The following ADAMTS19 variants were observed in gnomAD, a reference collection of about 807,000 sequenced individuals.
ADAMTS19 encodes A disintegrin and metalloproteinase with thrombospondin motifs 19.
In ADAMTS19, 93 loss-of-function variants were observed where a neutral mutation model predicts 153.3. The observed-to-expected ratio is 0.61, with a 90% confidence interval of 0.51 to 0.72. The LOEUF is 0.72. Ranked by LOEUF, ADAMTS19 falls within the 30% of genes least tolerant of loss-of-function variation. The probability of loss-of-function intolerance (pLI) is 0.00; values close to 1 mark genes in which losing one functional copy is unlikely to be tolerated. For missense variants in ADAMTS19, 1,482 were observed against 1,552.1 expected (o/e 0.95, Z 0.76); for synonymous variants, 600 against 556.6 (o/e 1.08, Z -1.10).
At chr5:129,633,811 C>T (rs1386264339) in intron 10 of ADAMTS19, among the ~76,000 whole-genome samples, 1 of 152,060 alleles carries the variant, frequency 6.6e-6, no homozygotes, top group African/African-American at 2.4e-5. Flanking sequence ...ATTTGTAGTG[C>T]GTGTTGTGTA....
At position 129,596,010 on chromosome 5, in the gene ADAMTS19, TC is replaced by T. The variant is rs1158377079; in HGVS notation, c.1373-548del. 2.0e-5 allele frequency among the ~76,000 whole-genome samples: 3 copies of T among 152,086 alleles called. No individual in the cohort carries two copies. The East Asian group carries it at 5.8e-4, about 29-fold the overall frequency. ...AACACACCATTTAGCCAAGAAATTT[TC>T]AAATAAAATCTTTCTAGTATTTTAA... On this transcript the variant is annotated intron_variant, in intron 7 of 22. Transcript: ENST00000274487.
At chr5:129,575,140 T>C (rs745725248) in intron 7 of ADAMTS19, among the ~76,000 whole-genome samples, 1 of 151,996 alleles carries the variant, frequency 6.6e-6, no homozygotes, top group Non-Finnish European at 1.5e-5. Flanking sequence ...TCACACTGAG[T>C]AGAAAGCAAG....
chr5:129,612,686 C>T (rs1441715089), intron 8 of ADAMTS19, among the ~76,000 whole-genome samples: 1 of 152,054 alleles, frequency 6.6e-6, no homozygotes, highest in Non-Finnish European at 1.5e-5. Flanking sequence ...TCACACATAA[C>T]GATACTAACC....
chr5:129,604,931 T>C (rs1039920659), intron 8 of ADAMTS19, among the ~76,000 whole-genome samples: 3 of 152,186 alleles, frequency 2.0e-5, no homozygotes, highest in Non-Finnish European at 4.4e-5. Flanking sequence ...TCCATCCTTC[T>C]AGTGGGACAA....
At chr5:129,526,722 T>C (rs983309427) in intron 4 of ADAMTS19, among the ~76,000 whole-genome samples, 1 of 151,836 alleles carries the variant, frequency 6.6e-6, no homozygotes, top group Non-Finnish European at 1.5e-5. Context: ...TTTGGTACTG[T>C]TCTTTTCCTT....
intron 7 of ADAMTS19, among the ~76,000 whole-genome samples, chr5:129,552,854 T>A (rs886167310): frequency 6.6e-6 from 1 of 152,084 alleles, no homozygotes; most frequent in Non-Finnish European, 1.5e-5. Context: ...ACATGTATTA[T>A]TCATAAAACT....
At chr5:129,502,168 G>A (rs1292397231) in intron 2 of ADAMTS19, among the ~76,000 whole-genome samples, 2 of 152,176 alleles carry the variant, frequency 1.3e-5, no homozygotes, top group East Asian at 3.9e-4. Flanking sequence ...TTCTAGAAAC[G>A]AAAAGGACCA....
At chr5:129,711,102 T>A (rs1756436937) in intron 21 of ADAMTS19, among the ~76,000 whole-genome samples, 2 of 152,192 alleles carry the variant, frequency 1.3e-5, no homozygotes, top group Non-Finnish European at 2.9e-5. Context: ...TTCCTAGTTT[T>A]AACATAACTA....
At chr5:129,659,879 T>C (rs1044009278) in intron 15 of ADAMTS19, among the ~76,000 whole-genome samples, 2 of 152,198 alleles carry the variant, frequency 1.3e-5, no homozygotes, top group Admixed American at 1.3e-4. Flanking sequence ...TGAGCCACTG[T>C]GCCCACTCCA....
At chr5:129,464,675 G>T (rs1032626871) in intron 2 of ADAMTS19, among the ~76,000 whole-genome samples, 1 of 152,208 alleles carries the variant, frequency 6.6e-6, no homozygotes, top group Non-Finnish European at 1.5e-5. Flanking sequence ...AAGGATAAGT[G>T]CCAGAATGGA....
intron 7 of ADAMTS19, among the ~76,000 whole-genome samples, chr5:129,591,334 C>T (rs1398230922): frequency 2.6e-5 from 4 of 151,048 alleles, no homozygotes; most frequent in African/African-American, 9.8e-5. Context: ...GCTCTATTGC[C>T]CAGGCTGAAG....
intron 21 of ADAMTS19, among the ~76,000 whole-genome samples, chr5:129,723,508 A>G (rs7719005): frequency 0.019 from 2,854 of 152,256 alleles, 77 homozygotes; most frequent in African/African-American, 0.063. Context: ...CATTTACTAA[A>G]CTATTTCTCT....
chr5:129,697,413 CTG>C (rs1755610546), intron 19 of ADAMTS19, among the ~76,000 whole-genome samples: 1 of 152,132 alleles, frequency 6.6e-6, no homozygotes, highest in South Asian at 2.1e-4. Flanking sequence ...TCAACTTTTC[CTG>C]TCTTTTGCAT....
chr5:129,720,188 T>C (rs1015701450), intron 21 of ADAMTS19, among the ~76,000 whole-genome samples: 9 of 146,736 alleles, frequency 6.1e-5, no homozygotes, highest in African/African-American at 2.3e-4. Flanking sequence ...TTTTTTTTTT[T>C]GGAGACAAAG....
intron 17 of ADAMTS19, among the ~76,000 whole-genome samples, chr5:129,682,364 T>C (rs1754859913): frequency 6.6e-6 from 1 of 152,222 alleles, no homozygotes; most frequent in South Asian, 2.1e-4. Flanking sequence ...TGTAACATGG[T>C]CACACTTTCC....
At chr5:129,504,417 T>C (rs569983254) in intron 2 of ADAMTS19, among the ~76,000 whole-genome samples, 1 of 152,320 alleles carries the variant, frequency 6.6e-6, no homozygotes, top group Non-Finnish European at 1.5e-5. Context: ...CACATATTTT[T>C]GGTGTGCAAA....
chr5:129,660,537 AT>A (rs1191028031), intron 15 of ADAMTS19, among the ~76,000 whole-genome samples: 3 of 151,996 alleles, frequency 2.0e-5, no homozygotes, highest in Non-Finnish European at 4.4e-5. Flanking sequence ...CCTTTATTTA[AT>A]TGTAACACTT....
rs2126979523 is a variant in ADAMTS19 at position 129,622,207 on chromosome 5, C to T, written c.1629C>T (p.Ala543=). 1 of 1,614,024 alleles carries T rather than the reference C, an allele frequency of 6.2e-7. No individual in the cohort carries two copies. The highest frequency in any genetic ancestry group is 1.7e-5 in the Admixed American group (1 of 59,998). The stretch of plus-strand genomic sequence containing the variant: ...ACCTGCCTATTGCCAGGTCAAAGGC[C>T]AGTAACTGCTTGCTACAAACAAATC... ...EDLERFLRSK[A]SNCLLQTNPQ... The change falls in exon 10 of 23, where the codon GCC becomes GCT. Residue 543 remains alanine, a synonymous_variant. Coordinates refer to ENST00000274487, the MANE Select transcript of ADAMTS19 (RefSeq NM_133638.6).
intron 15 of ADAMTS19, among the ~76,000 whole-genome samples, chr5:129,659,522 C>A (rs1753733327): frequency 6.6e-6 from 1 of 152,100 alleles, no homozygotes; most frequent in Non-Finnish European, 1.5e-5. Context: ...GTCTTGCACC[C>A]TTAATACTGG....
Sources: gnomAD v4.1 joint callset for allele counts (sites outside exome capture counted in the v4.1 genomes callset) on GRCh38, gnomAD v4.1.1 for gene constraint, MANE v1.5 for transcripts, NCBI Gene and HGNC (gene_info 2026-07-23, HGNC 2026-07-21) for gene names.